Variants in SIK2 observed in about 807,000 individuals in gnomAD.
SIK2 encodes the protein salt inducible kinase 2, also known as serine/threonine-protein kinase SIK2.
SIK2 carries 29 observed loss-of-function variants against 103.2 expected under a neutral mutation model. That is an observed-to-expected ratio of 0.28 (90% CI 0.21 to 0.38). The LOEUF is 0.38. Ranked by LOEUF, SIK2 falls within the 10% of genes least tolerant of loss-of-function variation. The pLI, the probability that SIK2 is intolerant of heterozygous loss-of-function variation, is 1.00. For synonymous variants in SIK2, 412 were observed against 446.1 expected (o/e 0.92, Z 0.96); for missense variants, 879 against 1,171.0 (o/e 0.75, Z 3.64).
At position 111,602,535 on chromosome 11, in the gene SIK2, G is replaced by A. The variant is rs1398769004; in HGVS notation, c.-29G>A. On this transcript the variant is annotated 5_prime_UTR_variant, in exon 1 of 15. Coordinates refer to ENST00000304987, the MANE Select transcript of SIK2 (RefSeq NM_015191.3). This position sits in a 1 kb window ranked among gnomAD's most constrained non-coding sequence, Gnocchi z 4.5. ...AACCCTCCCGCCCGCCCGCGCTCCTGTCCGCCGTGTCTAGCAGCGGGGCCC... is the reference window on the plus strand; with the variant it reads ...AACCCTCCCGCCCGCCCGCGCTCCTATCCGCCGTGTCTAGCAGCGGGGCCC... The A allele has an allele frequency of 6.8e-7, 1 of 1,477,422 alleles. No individual in the cohort carries two copies. The highest frequency in any genetic ancestry group is 9.0e-7 in the Non-Finnish European group (1 of 1,114,596). 91.5% of individuals were successfully genotyped at this position (1,477,422 alleles called of 1,614,324 possible).
chr11:111,644,165 A>G (rs557750311), intron 3 of SIK2, among the ~76,000 whole-genome samples: 2 of 151,046 alleles, frequency 1.3e-5, no homozygotes, highest in South Asian at 2.1e-4. Context: ...GACTTGTGCC[A>G]GTAGTCCCAG....
At chr11:111,684,629 C>T (rs539032713) in intron 3 of SIK2, among the ~76,000 whole-genome samples, 5 of 152,230 alleles carry the variant, frequency 3.3e-5, no homozygotes, top group Non-Finnish European at 5.9e-5. Context: ...CCCAAAGGTC[C>T]GTATTTATAG....
chr11:111,633,523 A>G (rs1372297988), intron 3 of SIK2, among the ~76,000 whole-genome samples: 1 of 152,156 alleles, frequency 6.6e-6, no homozygotes, highest in East Asian at 1.9e-4. Flanking sequence ...TTCTTTGTTC[A>G]GTTTTTGAAA....
In SIK2 at chr11:111,605,969, T is replaced by C. The variant is rs912804853; in HGVS notation, c.135+3271T>C. Among the ~76,000 whole-genome samples the C allele has an allele frequency of 2.9e-4, 44 of 152,296 alleles. 1 individual carries two copies. Among genetic ancestry groups the C allele is most frequent in the African/African-American group, 1.1e-3 (44 of 41,578 alleles). ...ACGCTTTGCAAAGGCTTTGTAGTAT[T>C]AGTTTGTGGTTTATGAATTAGAGAT... On this transcript the variant is annotated intron_variant, in intron 1 of 14. Coordinates refer to ENST00000304987, the MANE Select transcript of SIK2 (RefSeq NM_015191.3).
chr11:111,714,462 T>C (rs1943583530), intron 9 of SIK2, among the ~76,000 whole-genome samples: 1 of 152,154 alleles, frequency 6.6e-6, no homozygotes, highest in African/African-American at 2.4e-5. Flanking sequence ...AGCCTGCATA[T>C]CACTGTGTGT....
At chr11:111,628,072 A>G (rs1363685470) in intron 3 of SIK2, among the ~76,000 whole-genome samples, 10 of 152,132 alleles carry the variant, frequency 6.6e-5, no homozygotes, top group South Asian at 2.1e-4. Flanking sequence ...CTCATTGGAT[A>G]AAATCCAAAC....
intron 1 of SIK2, among the ~76,000 whole-genome samples, chr11:111,611,738 T>C (rs898407538): frequency 2.0e-5 from 3 of 152,196 alleles, no homozygotes; most frequent in Non-Finnish European, 4.4e-5. Context: ...GAGAGTTGAA[T>C]AGATGAACAC....
At chr11:111,642,784 C>T (rs1344862444) in intron 3 of SIK2, among the ~76,000 whole-genome samples, 1 of 145,438 alleles carries the variant, frequency 6.9e-6, no homozygotes, top group East Asian at 1.9e-4. Flanking sequence ...GGACTCACCA[C>T]TAGTCACCTC....
rs17558742 is a variant in SIK2 at position 111,666,817 on chromosome 11, C to A, written c.317-21184C>A. Reference sequence around the variant, plus strand: ...TTAGGAAACACCTAACTAGCAAATCCTGGGCATAATAATAGCAGAGAGCAG... The same window carrying A: ...TTAGGAAACACCTAACTAGCAAATCATGGGCATAATAATAGCAGAGAGCAG... On this transcript the variant is annotated intron_variant, in intron 3 of 14. Transcript: ENST00000304987. Among the ~76,000 whole-genome samples the A allele has an allele frequency of 6.9e-3, 1,051 of 152,094 alleles. 8 individuals carry two copies. The highest frequency in any genetic ancestry group is 0.01 in the Non-Finnish European group (694 of 67,992).
rs1344097843 is a variant in SIK2, at chr11:111,688,706, T to A, written c.478+544T>A. Among the ~76,000 whole-genome samples the A allele has an allele frequency of 1.3e-5, 2 of 152,232 alleles. No individual in the cohort carries two copies. ...GTTTTTCTCCTTGCCTTTTCACAGT[T>A]GTAAAATGTTTTATTTTATATTCTC... is the stretch of plus-strand genomic sequence containing the variant. On this transcript the variant is annotated intron_variant, in intron 4 of 14. Coordinates refer to ENST00000304987, the MANE Select transcript of SIK2 (RefSeq NM_015191.3). This position sits in a 1 kb window ranked among gnomAD's most constrained non-coding sequence, Gnocchi z 4.2.
In SIK2 at chr11:111,605,994, T is replaced by C. The variant is rs1353134106; in HGVS notation, c.135+3296T>C. 5.9e-5 allele frequency among the ~76,000 whole-genome samples: 9 copies of C among 152,322 alleles called. No individual in the cohort carries two copies. In the East Asian group the frequency reaches 1.5e-3, roughly 26 times the overall value. ...TAGTTTGTGGTTTATGAATTAGAGA[T>C]GCTAATTTTATAAAATTAGCATAAT... On this transcript the variant is annotated intron_variant, in intron 1 of 14. Transcript: ENST00000304987.
chr11:111,703,088 T>C, intron 6 of SIK2, 115 bp from the exon 7 acceptor site: 1 of 842,614 alleles, frequency 1.2e-6, no homozygotes, highest in Non-Finnish European at 1.9e-6. Flanking sequence ...GACCTTCTGC[T>C]TTCCAGTAGA....
intron 3 of SIK2, among the ~76,000 whole-genome samples, chr11:111,644,943 G>T (rs1942235883): frequency 6.6e-6 from 1 of 152,134 alleles, no homozygotes; most frequent in Non-Finnish European, 1.5e-5. Flanking sequence ...ACAAATACTT[G>T]TTCAGAGCCT....
chr11:111,628,916 T>G lies in SIK2; in HGVS notation c.316+8514T>G, dbSNP rs910371295. ...GTATAAAGACCAGTTGTGGGAAACC[T>G]TAAGTATTAGGAGTAGGAGAAGGGG... On this transcript the variant is annotated intron_variant, in intron 3 of 14. Transcript: ENST00000304987. Among the ~76,000 whole-genome samples, 2 of 152,100 alleles carry G rather than the reference T, an allele frequency of 1.3e-5. 1 individual carries two copies. Among genetic ancestry groups the G allele is most frequent in the Admixed American group, 1.3e-4 (2 of 15,258 alleles).
intron 3 of SIK2, among the ~76,000 whole-genome samples, chr11:111,625,724 G>A (rs781684603): frequency 3.3e-5 from 5 of 152,154 alleles, no homozygotes; most frequent in African/African-American, 7.2e-5. Flanking sequence ...GATTGAAGGG[G>A]CTTACAGAGC....
intron 2 of SIK2, among the ~76,000 whole-genome samples, chr11:111,617,200 CTGGCTATAT>C (rs796080758): frequency 5.9e-5 from 9 of 152,034 alleles, no homozygotes; most frequent in African/African-American, 2.2e-4. Flanking sequence ...ATTTTGTTAC[CTGGCTATAT>C]TGCATAGTGG....
intron 3 of SIK2, among the ~76,000 whole-genome samples, chr11:111,621,683 G>C (rs1941888363): frequency 6.6e-6 from 1 of 152,140 alleles, no homozygotes; most frequent in South Asian, 2.1e-4. Flanking sequence ...AGGAGGTCAA[G>C]GTGGGTGGAT....
At chr11:111,611,117 T>TGTGC (rs962554443) in intron 1 of SIK2, among the ~76,000 whole-genome samples, 5 of 150,284 alleles carry the variant, frequency 3.3e-5, no homozygotes, top group South Asian at 2.1e-4. Context: ...TGTGTGTGTG[T>TGTGC]GCACACCTGT....
chr11:111,646,134 A>T (rs986536749), intron 3 of SIK2, among the ~76,000 whole-genome samples: 4 of 151,926 alleles, frequency 2.6e-5, no homozygotes, highest in Middle Eastern at 3.4e-3. Flanking sequence ...TATGATTGAC[A>T]TACAATAAAC....
Sources: gnomAD v4.1 joint callset for allele counts (sites outside exome capture counted in the v4.1 genomes callset) on GRCh38, gnomAD v4.1.1 for gene constraint, Gnocchi (gnomAD v3.1) non-coding constraint, MANE v1.5 for transcripts, NCBI Gene and HGNC (gene_info 2026-07-23, HGNC 2026-07-21) for gene names.